Variants in SAG observed in about 807,000 individuals in gnomAD.
The protein encoded by SAG is S-antigen visual arrestin.
A neutral mutation model predicts 55.0 loss-of-function variants in SAG; 45 were observed. That is an observed-to-expected ratio of 0.82 (90% CI 0.64 to 1.05). The LOEUF is 1.05. Ranked by LOEUF, SAG falls within the 50% of genes least tolerant of loss-of-function variation. The pLI is 0.00. For missense variants in SAG, 455 were observed against 512.1 expected (o/e 0.89, Z 1.08); for synonymous variants, 189 against 197.4 (o/e 0.96, Z 0.36).
chr2:233,340,392 C>T lies in SAG; in HGVS notation c.1023-63C>T. ...GCTGGGCTGTGTCCTGCCTCTGAATCATGGGAAAGGGTCGTGTTACCACTG... is the reference window on the plus strand; with the variant it reads ...GCTGGGCTGTGTCCTGCCTCTGAATTATGGGAAAGGGTCGTGTTACCACTG... On this transcript the variant is annotated intron_variant, in intron 12 of 15. Coordinates refer to ENST00000409110, the MANE Select transcript of SAG (RefSeq NM_000541.5). This position sits in a 1 kb window ranked among gnomAD's most constrained non-coding sequence, Gnocchi z 4.2. The T allele has an allele frequency of 2.7e-6, 4 of 1,497,162 alleles. No individual in the cohort carries two copies. The highest frequency in any genetic ancestry group is 3.7e-6 in the Non-Finnish European group (4 of 1,081,534). 92.7% of individuals were successfully genotyped at this position (1,497,162 alleles called of 1,614,324 possible).
intron 6 of SAG, among the ~76,000 whole-genome samples, chr2:233,323,519 A>G (rs985561329): frequency 6.6e-6 from 1 of 151,224 alleles, no homozygotes; most frequent in Non-Finnish European, 1.5e-5. Context: ...GTGGGTCACC[A>G]TGCCTGGCTA....
In SAG at chr2:233,320,720, G is replaced by C; in HGVS notation, c.272G>C (p.Arg91Pro). Residue 91 changes from arginine to proline, a missense_variant, in exon 5 of 16, where the codon CGG becomes CCG. Coordinates refer to ENST00000409110, the MANE Select transcript of SAG (RefSeq NM_000541.5). ...TTCCGCAGGGACCTGTACTTCTCCC[G>C]GGTCCAGGTGTATCCTCCTGTGGGG... Reference protein sequence around the residue: ...LTFRRDLYFSRVQVYPPVGAA... With the variant: ...LTFRRDLYFSPVQVYPPVGAA... 6.2e-7 allele frequency: 1 copy of C among 1,604,914 alleles called. No individual in the cohort carries two copies. The highest frequency in any genetic ancestry group is 1.7e-5 in the Admixed American group (1 of 58,486).
intron 7 of SAG, 125 bp from the exon 8 acceptor site, chr2:233,328,353 C>T (rs1011775850): frequency 2.3e-5 from 28 of 1,221,998 alleles, no homozygotes; most frequent in South Asian, 1.0e-4. Context: ...GCCCTCTTCC[C>T]GTCCACCCTG....
chr2:233,309,280 G>A lies in SAG; in HGVS notation c.75+16G>A, dbSNP rs748596322. ...GGACAAATCGGTGAGTGGTGCACAAGTGAGTGATTTGATAGAAATTATTGT... is the reference window on the plus strand; with the variant it reads ...GGACAAATCGGTGAGTGGTGCACAAATGAGTGATTTGATAGAAATTATTGT... On this transcript the variant is annotated intron_variant, in intron 2 of 15. Coordinates refer to ENST00000409110, the MANE Select transcript of SAG (RefSeq NM_000541.5). 1 of 1,601,860 alleles carries A rather than the reference G, an allele frequency of 6.2e-7. No homozygotes were observed. The highest frequency in any genetic ancestry group is 8.6e-7 in the Non-Finnish European group (1 of 1,169,236).
At chr2:233,326,045 C>A (rs994612996) in intron 6 of SAG, among the ~76,000 whole-genome samples, 17 of 152,138 alleles carry the variant, frequency 1.1e-4, no homozygotes, top group Non-Finnish European at 1.9e-4. Context: ...GCCAGCTCTA[C>A]TTTCCCCTCC....
In SAG at chr2:233,319,419, C is replaced by T. The variant is rs1700313280; in HGVS notation, c.181+624C>T. On this transcript the variant is annotated intron_variant, in intron 4 of 15. Coordinates refer to ENST00000409110, the MANE Select transcript of SAG (RefSeq NM_000541.5). This position sits in a 1 kb window ranked among gnomAD's most constrained non-coding sequence, Gnocchi z 4.4. ...GTGGTAAGTAATTTGTTACTAATAA[C>T]AGTTGCATAAACCAAATTAGAACAG... 4.0e-6 allele frequency: 1 copy of T among 247,664 alleles called. No individual in the cohort carries two copies. Among genetic ancestry groups the T allele is most frequent in the Non-Finnish European group, 6.9e-6 (1 of 144,936 alleles). 15.3% of individuals were successfully genotyped at this position (247,664 alleles called of 1,614,324 possible).
chr2:233,315,748 G>C (rs1700200792), intron 2 of SAG, among the ~76,000 whole-genome samples: 1 of 151,150 alleles, frequency 6.6e-6, no homozygotes. Context: ...TGTTGCCCAG[G>C]CTGGAGTGCA....
chr2:233,328,814 G>A (rs909314240), intron 8 of SAG: 7 of 547,526 alleles, frequency 1.3e-5, no homozygotes, highest in South Asian at 3.5e-5. Context: ...AGAGGAGGAC[G>A]GAACTGGCTT....
In SAG at chr2:233,318,811, T is replaced by C. The variant is rs1700289289; in HGVS notation, c.181+16T>C. ...GGAAAGAAAGGTGAGATGAAGCCCC[T>C]TGTCTCAGGCTGGTTTCTGGGCGGA... On this transcript the variant is annotated intron_variant, in intron 4 of 15. Coordinates refer to ENST00000409110, the MANE Select transcript of SAG (RefSeq NM_000541.5). The C allele has an allele frequency of 1.2e-6, 2 of 1,612,326 alleles. No individual in the cohort carries two copies. The highest frequency in any genetic ancestry group is 3.3e-5 in the Admixed American group (2 of 60,012).
At chr2:233,327,878 C>T (rs1700617869) in intron 7 of SAG, 1 of 152,702 alleles carries the variant, frequency 6.5e-6, no homozygotes, top group Non-Finnish European at 1.5e-5. Context: ...ATGTACCATT[C>T]AGTGGCTTAA....
At chr2:233,346,378 C>T (rs201681849) in intron 14 of SAG, 25 bp from the exon 15 acceptor site, 5 of 1,612,662 alleles carry the variant, frequency 3.1e-6, no homozygotes, top group Non-Finnish European at 4.2e-6. Flanking sequence ...CTCTTCCCTG[C>T]CTCCCTTTTA....
chr2:233,328,752 G>A (rs1408548000), intron 8 of SAG, 139 bp downstream of exon 8: 1 of 894,342 alleles, frequency 1.1e-6, no homozygotes, highest in Admixed American at 2.9e-5. Context: ...GCACCAACAT[G>A]CGTAAGTGAC....
chr2:233,311,368 AG>A (rs1700071058), intron 2 of SAG, among the ~76,000 whole-genome samples: 1 of 152,236 alleles, frequency 6.6e-6, no homozygotes, highest in Admixed American at 6.5e-5. Context: ...GTCTCTTGTA[AG>A]GGTCAGGAAA....
chr2:233,342,523 C>T (rs761646938), intron 14 of SAG, 197 bp downstream of exon 14: 34 of 595,724 alleles, frequency 5.7e-5, no homozygotes, highest in Non-Finnish European at 9.9e-5. Flanking sequence ...GGTAGATTAT[C>T]CACCTTCAGC....
intron 2 of SAG, among the ~76,000 whole-genome samples, chr2:233,311,746 T>C (rs976036093): frequency 6.6e-6 from 1 of 152,174 alleles, no homozygotes; most frequent in East Asian, 1.9e-4. Context: ...CTGGGTTTCA[T>C]GGTTGGCCAC....
chr2:233,328,569 A>T lies in SAG; in HGVS notation c.604A>T (p.Met202Leu). 6.2e-7 allele frequency: 1 copy of T among 1,613,880 alleles called. No individual in the cohort carries two copies. The highest frequency in any genetic ancestry group is 8.5e-7 in the Non-Finnish European group (1 of 1,179,810). ...PRAEAAWQFF[M>L]SDKPLHLAVS... is the part of the protein sequence containing the mutation. ...AGCTGAGGCGGCCTGGCAGTTCTTC[A>T]TGTCTGACAAGCCCCTGCACCTTGC... The change falls in exon 8 of 16, where the codon ATG (methionine) becomes TTG (leucine). Residue 202 changes from methionine to leucine, a missense_variant. By Grantham distance (15) the Met-to-Leu change is conservative. Coordinates refer to ENST00000409110, the MANE Select transcript of SAG (RefSeq NM_000541.5).
intron 6 of SAG, 35 bp downstream of exon 6, chr2:233,323,040 T>C: frequency 3.8e-6 from 5 of 1,326,348 alleles, no homozygotes; most frequent in Non-Finnish European, 5.3e-6. Context: ...GTTTTATGGA[T>C]TTGTTCATTC....
chr2:233,338,491 G>A lies in SAG; in HGVS notation c.945-185G>A, dbSNP rs11687890. 3,879 of 610,112 alleles carry A rather than the reference G, an allele frequency of 6.4e-3. 28 individuals are homozygous for A. Among genetic ancestry groups the A allele is most frequent in the East Asian group, 0.012 (415 of 36,044 alleles). The allele number at this position is 610,112 out of a possible 1,614,324, so 37.8% of individuals were successfully genotyped here. A position where few individuals can be genotyped will look rare whatever the true frequency, so the allele number is the denominator to read the frequency against. ...GAAGACACAGGAATTCCTCCAGTGC[G>A]TGCAAGGAGTCCCCATACCCACTCC... On this transcript the variant is annotated intron_variant, in intron 11 of 15. Transcript: ENST00000409110.
intron 9 of SAG, among the ~76,000 whole-genome samples, chr2:233,330,811 T>C (rs1227769455): frequency 6.6e-6 from 1 of 152,128 alleles, no homozygotes; most frequent in Non-Finnish European, 1.5e-5. Flanking sequence ...GGATTACCGG[T>C]GTGAGCCACT....
Sources: gnomAD v4.1 joint callset for allele counts (sites outside exome capture counted in the v4.1 genomes callset) on GRCh38, gnomAD v4.1.1 for gene constraint, Gnocchi (gnomAD v3.1) non-coding constraint, MANE v1.5 for transcripts, NCBI Gene and HGNC (gene_info 2026-07-23, HGNC 2026-07-21) for gene names.